SFXN5: variants seen among roughly 807,000 people sequenced by gnomAD.
SFXN5 encodes sideroflexin 5.
SFXN5 carries 43 observed loss-of-function variants against 50.2 expected under a neutral mutation model. That is an observed-to-expected ratio of 0.86 (90% confidence interval 0.67 to 1.11). The LOEUF is 1.11. SFXN5 is among the 50% of genes least tolerant of loss of function. The pLI, the probability that SFXN5 is intolerant of heterozygous loss-of-function variation, is 0.00. For missense variants in SFXN5, 463 were observed against 454.1 expected (o/e 1.02, Z -0.18); for synonymous variants, 203 against 185.8 (o/e 1.09, Z -0.75).
chr2:73,061,217 A>G (rs1682775056), intron 1 of SFXN5, among the ~76,000 whole-genome samples: 1 of 151,690 alleles, frequency 6.6e-6, no homozygotes, highest in Admixed American at 6.6e-5. Flanking sequence ...CTGAAGCAGG[A>G]GAATCGCTTG....
intron 6 of SFXN5, among the ~76,000 whole-genome samples, chr2:73,013,330 G>C (rs1675770793): frequency 6.6e-6 from 1 of 151,738 alleles, no homozygotes; most frequent in Non-Finnish European, 1.5e-5. Flanking sequence ...TATAATGCAA[G>C]TCATTTAAGC....
chr2:73,069,425 C>A (rs1457255354), intron 1 of SFXN5, among the ~76,000 whole-genome samples: 2 of 152,170 alleles, frequency 1.3e-5, no homozygotes, highest in Admixed American at 6.5e-5. Flanking sequence ...ACACAGGCGG[C>A]TCCCAGGTTT....
chr2:72,991,501 C>A (rs1160773747), intron 9 of SFXN5, among the ~76,000 whole-genome samples: 2 of 152,266 alleles, frequency 1.3e-5, no homozygotes, highest in Non-Finnish European at 2.9e-5. Flanking sequence ...CAGTGATGGG[C>A]CCAGTGGCAG....
intron 3 of SFXN5, among the ~76,000 whole-genome samples, chr2:73,040,377 A>C (rs768171137): frequency 3.3e-5 from 5 of 152,136 alleles, no homozygotes; most frequent in Non-Finnish European, 7.3e-5. Context: ...CAGTATCCTA[A>C]TCCTAATCCT....
At chr2:72,999,092 AGCAAGAAGCATCCT>A in intron 8 of SFXN5, 78 bp from the exon 9 acceptor site, 1 of 1,480,774 alleles carries the variant, frequency 6.8e-7, no homozygotes, top group Non-Finnish European at 9.3e-7. Flanking sequence ...TGTCCCAGCC[AGCAAGAAGCATCCT>A]GCCCACCAGC....
intron 3 of SFXN5, among the ~76,000 whole-genome samples, chr2:73,036,837 T>C (rs1046963795): frequency 2.0e-5 from 3 of 152,154 alleles, no homozygotes; most frequent in Admixed American, 6.5e-5. Flanking sequence ...GGTCACACCA[T>C]CCAGGCTCTT....
chr2:72,983,683 C>T (rs1193991130), intron 10 of SFXN5, among the ~76,000 whole-genome samples: 1 of 152,210 alleles, frequency 6.6e-6, no homozygotes, highest in Non-Finnish European at 1.5e-5. Flanking sequence ...CTTGCTGAGA[C>T]AACACCTCTG....
At chr2:73,047,300 A>AT (rs1559200169) in intron 2 of SFXN5, among the ~76,000 whole-genome samples, 15 of 103,850 alleles carry the variant, frequency 1.4e-4, no homozygotes, top group African/African-American at 5.8e-4. Flanking sequence ...ATATATATAA[A>AT]ATATATATGT....
intron 4 of SFXN5, 152 bp downstream of exon 4, chr2:73,023,036 G>A: frequency 1.5e-6 from 1 of 682,834 alleles, no homozygotes; most frequent in Non-Finnish European, 2.4e-6. Flanking sequence ...GCCCTTGAGT[G>A]TCGGGGCAGA....
intron 1 of SFXN5, among the ~76,000 whole-genome samples, chr2:73,063,541 A>C (rs1364893349): frequency 2.6e-5 from 4 of 152,202 alleles, no homozygotes; most frequent in Non-Finnish European, 5.9e-5. Context: ...AAAAACTATA[A>C]AGTTAAGATT....
At chr2:73,069,275 C>T (rs1683401052) in intron 1 of SFXN5, among the ~76,000 whole-genome samples, 1 of 152,288 alleles carries the variant, frequency 6.6e-6, no homozygotes, top group East Asian at 1.9e-4. Context: ...TGTGAGGCTA[C>T]TGCAGTGACC....
rs1258339264 is a variant in SFXN5, at chr2:72,961,225, GGGCGTGCCTGCAGGAGA to G, written c.834_850del (p.Leu279ProfsTer33). On this transcript the variant is annotated frameshift_variant, in exon 13 of 14. Transcript: ENST00000272433. LOFTEE classifies it high-confidence loss of function. This position sits in a 1 kb window ranked among gnomAD's most constrained non-coding sequence, Gnocchi z 4.4. ...GCTTTGCACAGGGAGGAGCAGCCGG[GGGCGTGCCTGCAGGAGA>G]GCCGTCCTGTGAGGGAGAGAGGAGG... is the stretch of plus-strand genomic sequence containing the variant. 1 of 1,538,408 alleles carries G rather than the reference GGGCGTGCCTGCAGGAGA, an allele frequency of 6.5e-7. No individual in the cohort carries two copies. The highest frequency in any genetic ancestry group is 8.7e-7 in the Non-Finnish European group (1 of 1,149,742).
intron 6 of SFXN5, among the ~76,000 whole-genome samples, chr2:73,001,785 A>T (rs1294067554): frequency 6.6e-6 from 1 of 152,212 alleles, no homozygotes. Context: ...GCATAATCTT[A>T]TTTATTTAAA....
intron 3 of SFXN5, among the ~76,000 whole-genome samples, chr2:73,039,423 T>C (rs1679340631): frequency 6.6e-6 from 1 of 152,148 alleles, no homozygotes; most frequent in Admixed American, 6.5e-5. Flanking sequence ...AAAAGAGACA[T>C]AATCATGATA....
chr2:73,022,927 A>C (rs952864025), intron 4 of SFXN5, among the ~76,000 whole-genome samples: 17 of 152,208 alleles, frequency 1.1e-4, no homozygotes, highest in Non-Finnish European at 1.9e-4. Context: ...TGGTAGGTAC[A>C]TAATAAGGAT....
intron 6 of SFXN5, among the ~76,000 whole-genome samples, chr2:73,014,599 A>C (rs900904836): frequency 6.6e-6 from 1 of 152,242 alleles, no homozygotes; most frequent in Non-Finnish European, 1.5e-5. Flanking sequence ...ATTATGACTG[A>C]AATTACATTG....
chr2:73,071,461 G>A (rs1032248703), intron 1 of SFXN5, 143 bp downstream of exon 1: 8 of 703,554 alleles, frequency 1.1e-5, no homozygotes, highest in Non-Finnish European at 1.6e-5. Context: ...GGGTGACTGT[G>A]ACCGAGGTTC....
chr2:73,020,356 A>G (rs1676714892), intron 5 of SFXN5, 92 bp from the exon 6 acceptor site: 1 of 1,320,716 alleles, frequency 7.6e-7, no homozygotes, highest in Non-Finnish European at 1.1e-6. Flanking sequence ...TTAGGCTATC[A>G]GTGGCCCTGA....
chr2:72,972,412 T>C (rs2105462873), intron 10 of SFXN5, among the ~76,000 whole-genome samples: 2 of 152,352 alleles, frequency 1.3e-5, no homozygotes, highest in Non-Finnish European at 2.9e-5. Context: ...TTGCTTCCTA[T>C]GGCTGAGTGC....
Sources: allele counts gnomAD v4.1 joint callset (sites outside exome capture counted in the v4.1 genomes callset), GRCh38; gene constraint gnomAD v4.1.1; non-coding constraint Gnocchi (gnomAD v3.1); transcripts MANE v1.5; gene names NCBI Gene and HGNC (gene_info 2026-07-23, HGNC 2026-07-21).